Variants in GRM5 observed in about 807,000 individuals in gnomAD.
GRM5 encodes metabotropic glutamate receptor 5.
Under a neutral mutation model 83.1 loss-of-function variants are expected in GRM5, and 19 were observed. The ratio of observed to expected loss-of-function variants is 0.23; its 90% confidence interval spans 0.16 to 0.34. The LOEUF (loss-of-function observed/expected upper bound fraction) is 0.34, where lower values mean the gene tolerates loss of function less well. GRM5 is among the 10% of genes least tolerant of loss of function. The pLI, the probability that GRM5 is intolerant of heterozygous loss-of-function variation, is 1.00. For missense variants in GRM5, 1,160 were observed against 1,588.3 expected (o/e 0.73, Z 4.58); for synonymous variants, 675 against 633.6 (o/e 1.07, Z -0.98).
intron 2 of GRM5, among the ~76,000 whole-genome samples, chr11:88,944,872 C>T (rs1938228060): frequency 6.6e-6 from 1 of 151,726 alleles, no homozygotes; most frequent in South Asian, 2.1e-4. Flanking sequence ...AGCAACAAGG[C>T]AACAGAGAAA....
chr11:88,655,354 GCAGCATGGGCGTGTTGCAAA>G (rs1939740259), intron 3 of GRM5, among the ~76,000 whole-genome samples: 1 of 151,936 alleles, frequency 6.6e-6, no homozygotes, highest in Non-Finnish European at 1.5e-5. Flanking sequence ...CACTCGAGGA[GCAGCATGGGCGTGTTGCAAA>G]TGGGACAGGA....
intron 2 of GRM5, among the ~76,000 whole-genome samples, chr11:88,891,070 AG>A (rs1328200711): frequency 1.3e-5 from 2 of 152,200 alleles, no homozygotes; most frequent in East Asian, 3.9e-4. Flanking sequence ...AAGCACTGTA[AG>A]GCTGTCTTAA....
intron 2 of GRM5, among the ~76,000 whole-genome samples, chr11:88,925,268 C>T (rs1945767301): frequency 6.6e-6 from 1 of 152,060 alleles, no homozygotes; most frequent in Non-Finnish European, 1.5e-5. Context: ...AAGAAAAGAG[C>T]TATTACTCTT....
chr11:88,541,133 T>C (rs1324745201), intron 8 of GRM5, among the ~76,000 whole-genome samples: 1 of 152,186 alleles, frequency 6.6e-6, no homozygotes. Flanking sequence ...TGTTTAATTA[T>C]AATCACACAT....
intron 2 of GRM5, among the ~76,000 whole-genome samples, chr11:88,915,493 G>A (rs1231167411): frequency 1.3e-5 from 2 of 152,078 alleles, no homozygotes; most frequent in African/African-American, 4.8e-5. Context: ...CCATTATGGA[G>A]AGTATCTGTT....
chr11:88,772,488 T>C (rs1183245807), intron 3 of GRM5, among the ~76,000 whole-genome samples: 1 of 152,068 alleles, frequency 6.6e-6, no homozygotes, highest in African/African-American at 2.4e-5. Flanking sequence ...CTAGAGTACA[T>C]GTGCACAATG....
In GRM5 at chr11:88,989,266, G is replaced by T. The variant is rs1939869450; in HGVS notation, c.661+57946C>A. Among the ~76,000 whole-genome samples, 4 of 143,462 alleles carry T rather than the reference G, an allele frequency of 2.8e-5. No homozygotes were observed. In the Admixed American group the frequency reaches 2.8e-4, roughly 10 times the overall value. The allele number at this position is 143,462 out of a possible 152,430, so 94.1% of individuals were successfully genotyped here. ...ACAAAGATCAAAAGAGACAAAGAAG[G>T]CCATTACATAATGGTAAAGGGATCA... On this transcript the variant is annotated intron_variant, in intron 2 of 9. Coordinates refer to ENST00000305447, the MANE Select transcript of GRM5 (RefSeq NM_001143831.3).
At chr11:88,947,556 C>T (rs1296007131) in intron 2 of GRM5, among the ~76,000 whole-genome samples, 4 of 151,172 alleles carry the variant, frequency 2.6e-5, no homozygotes, top group African/African-American at 9.7e-5. Flanking sequence ...TCCCTATTAT[C>T]CCTCTCTAAT....
At chr11:88,740,936 G>A (rs908702860) in intron 3 of GRM5, among the ~76,000 whole-genome samples, 2 of 151,962 alleles carry the variant, frequency 1.3e-5, no homozygotes, top group East Asian at 1.9e-4. Flanking sequence ...ACCAGAATAC[G>A]GTCCCATCAT....
chr11:88,981,022 T>A (rs75699071), intron 2 of GRM5, among the ~76,000 whole-genome samples: 8 of 148,082 alleles, frequency 5.4e-5, no homozygotes, highest in Middle Eastern at 3.5e-3. Flanking sequence ...AAAAAAAAAA[T>A]GAGTTTTTTA....
At chr11:88,586,617 G>A (rs2135201179) in intron 7 of GRM5, among the ~76,000 whole-genome samples, 1 of 152,308 alleles carries the variant, frequency 6.6e-6, no homozygotes, top group South Asian at 2.1e-4. Context: ...AATAGCTGAA[G>A]CCATCAGGAT....
At chr11:88,910,670 G>C (rs1454478659) in intron 2 of GRM5, among the ~76,000 whole-genome samples, 1 of 152,038 alleles carries the variant, frequency 6.6e-6, no homozygotes, top group Non-Finnish European at 1.5e-5. Flanking sequence ...CAAATGGTTA[G>C]ACAAAGAGGA....
chr11:88,574,530 A>G (rs1208218962), intron 7 of GRM5, among the ~76,000 whole-genome samples: 1 of 152,118 alleles, frequency 6.6e-6, no homozygotes, highest in Non-Finnish European at 1.5e-5. Flanking sequence ...GCACTTTGGG[A>G]GGCCGAGGTG....
rs118063494 is a variant in GRM5 at position 88,883,769 on chromosome 11, C to T, written c.662-33614G>A. Among the ~76,000 whole-genome samples, 108 of 152,198 alleles carry T rather than the reference C, an allele frequency of 7.1e-4. 1 individual carries two copies. The Middle Eastern group carries it at 0.031, about 43-fold the overall frequency. ...GACCCCAGGGCCCACTTGCTGTAGG[C>T]GGCCTCAGGACATGGTGCCTTGCAT... On this transcript the variant is annotated intron_variant, in intron 2 of 9. Coordinates refer to ENST00000305447, the MANE Select transcript of GRM5 (RefSeq NM_001143831.3).
chr11:88,570,571 A>ATATATATATATATTTTTTTTTTTT (rs1405339448), intron 7 of GRM5, among the ~76,000 whole-genome samples: 2 of 46,378 alleles, frequency 4.3e-5, no homozygotes, highest in African/African-American at 1.3e-4. Flanking sequence ...ATATATATAT[A>ATATATATATATATTTTTTTTTTTT]TTTTTTTTTT....
At chr11:88,650,376 CAAAG>C (rs1565171703) in intron 4 of GRM5, among the ~76,000 whole-genome samples, 1 of 151,762 alleles carries the variant, frequency 6.6e-6, no homozygotes, top group African/African-American at 2.4e-5. Flanking sequence ...ATAATAAACT[CAAAG>C]AAATGTTCAA....
intron 3 of GRM5, among the ~76,000 whole-genome samples, chr11:88,771,335 G>A (rs531217266): frequency 2.6e-4 from 40 of 152,124 alleles, no homozygotes; most frequent in African/African-American, 8.9e-4. Flanking sequence ...AGGCAGGAGG[G>A]GCTCAGTCTA....
chr11:88,675,930 A>T (rs1428118455), intron 3 of GRM5, among the ~76,000 whole-genome samples: 4 of 152,054 alleles, frequency 2.6e-5, no homozygotes, highest in Non-Finnish European at 5.9e-5. Flanking sequence ...TGAGAGTCTA[A>T]GCATTCTCAC....
chr11:88,760,444 A>C (rs1444899079), intron 3 of GRM5, among the ~76,000 whole-genome samples: 25 of 152,130 alleles, frequency 1.6e-4, no homozygotes, highest in Non-Finnish European at 1.5e-5. Context: ...TATGCACACA[A>C]ACTAGAAAAT....
Sources: gnomAD v4.1 joint callset for allele counts (sites outside exome capture counted in the v4.1 genomes callset) on GRCh38, gnomAD v4.1.1 for gene constraint, MANE v1.5 for transcripts, NCBI Gene and HGNC (gene_info 2026-07-23, HGNC 2026-07-21) for gene names.